LOXHD1: variants seen among roughly 807,000 people sequenced by gnomAD.
LOXHD1 encodes the protein lipoxygenase homology domain-containing protein 1.
A neutral mutation model predicts 248.2 loss-of-function variants in LOXHD1; 205 were observed. The observed-to-expected ratio is 0.83, with a 90% CI of 0.74 to 0.93. The LOEUF is 0.93. Ranked by LOEUF, LOXHD1 falls within the 40% of genes least tolerant of loss-of-function variation. The pLI, the probability that LOXHD1 is intolerant of heterozygous loss-of-function variation, is 0.00. For missense variants in LOXHD1, 2,930 were observed against 2,971.6 expected (o/e 0.99, Z 0.33); for synonymous variants, 1,113 against 1,162.8 (o/e 0.96, Z 0.87).
At chr18:46,552,782 T>G (rs1212994658) in intron 21 of LOXHD1, among the ~76,000 whole-genome samples, 2 of 152,336 alleles carry the variant, frequency 1.3e-5, no homozygotes, top group South Asian at 4.1e-4. Context: ...AGCATGGCTT[T>G]GGATGCCCTC....
At chr18:46,538,439 G>T in intron 25 of LOXHD1, 102 bp from the exon 26 acceptor site, 2 of 1,187,856 alleles carry the variant, frequency 1.7e-6, no homozygotes, top group Non-Finnish European at 2.4e-6. Context: ...CCAGACCCTT[G>T]CACTGGGGAA....
chr18:46,582,320 T>C (rs2037979223), intron 12 of LOXHD1, among the ~76,000 whole-genome samples: 3 of 152,144 alleles, frequency 2.0e-5, no homozygotes, highest in Admixed American at 6.5e-5. Context: ...AGTTTTTGTA[T>C]ACTACTGAAA....
At chr18:46,629,573 C>T (rs949192972) in intron 4 of LOXHD1, among the ~76,000 whole-genome samples, 16 of 152,196 alleles carry the variant, frequency 1.1e-4, no homozygotes, top group African/African-American at 3.9e-4. Context: ...GGGCACTACG[C>T]CCAACATGGT....
chr18:46,533,774 A>G (rs1191806629), intron 27 of LOXHD1: 1 of 288,714 alleles, frequency 3.5e-6, no homozygotes, highest in Non-Finnish European at 6.9e-6. Flanking sequence ...CAAAATATAA[A>G]AATTAGTCGG....
At chr18:46,481,409 G>C (rs1178599528) in intron 40 of LOXHD1, among the ~76,000 whole-genome samples, 1 of 152,092 alleles carries the variant, frequency 6.6e-6, no homozygotes, top group Non-Finnish European at 1.5e-5. Flanking sequence ...GAGACCACAG[G>C]CTTGAGAACT....
At chr18:46,620,264 A>G (rs1222989400) in intron 4 of LOXHD1, among the ~76,000 whole-genome samples, 1 of 151,528 alleles carries the variant, frequency 6.6e-6, no homozygotes, top group Non-Finnish European at 1.5e-5. Context: ...ACCCTTCCCA[A>G]CTCCAGTCCA....
intron 23 of LOXHD1, among the ~76,000 whole-genome samples, chr18:46,543,122 G>C (rs1011258998): frequency 6.6e-6 from 1 of 152,144 alleles, no homozygotes; most frequent in African/African-American, 2.4e-5. Flanking sequence ...CATCACCTGA[G>C]CTGTGTACTC....
chr18:46,550,587 A>AAAAAAAAAG, intron 21 of LOXHD1, among the ~76,000 whole-genome samples: 1 of 147,580 alleles, frequency 6.8e-6, no homozygotes, highest in African/African-American at 2.5e-5. Flanking sequence ...CTCAAAAAAA[A>AAAAAAAAAG]AAAAAAAAAA....
At chr18:46,580,756 G>A (rs1456633524) in intron 12 of LOXHD1, among the ~76,000 whole-genome samples, 1 of 152,210 alleles carries the variant, frequency 6.6e-6, no homozygotes, top group Non-Finnish European at 1.5e-5. Context: ...GGAGTGGAGT[G>A]AGGGAATATA....
chr18:46,507,548 G>A lies in LOXHD1; in HGVS notation c.5682C>T (p.Ser1894=), dbSNP rs567349358. The stretch of plus-strand genomic sequence containing the variant: ...GGACCCCCGACCCACCCAGGATGTC[G>A]CTGGTCTTAACTGCGACGGTGTAGG... ...WTSYTVAVKT[S]DILGAGTDAN... Residue 1894 remains serine, a synonymous_variant, in exon 36 of 41, where the codon AGC becomes AGT. Coordinates refer to ENST00000642948, the MANE Select transcript of LOXHD1 (RefSeq NM_001384474.1). 3.0e-5 allele frequency: 46 copies of A among 1,551,672 alleles called. No homozygotes were observed. The highest frequency in any genetic ancestry group is 4.1e-5 in the African/African-American group (3 of 73,184).
At chr18:46,561,521 T>C (rs1306256390) in intron 18 of LOXHD1, among the ~76,000 whole-genome samples, 1 of 152,214 alleles carries the variant, frequency 6.6e-6, no homozygotes, top group Non-Finnish European at 1.5e-5. Context: ...TTCCTGATGC[T>C]GATGAGCCCC....
chr18:46,497,673 T>A (rs1344137599), intron 37 of LOXHD1, among the ~76,000 whole-genome samples: 4 of 152,092 alleles, frequency 2.6e-5, no homozygotes, highest in Admixed American at 6.5e-5. Flanking sequence ...ATATATTAAG[T>A]CCTTATTATA....
intron 1 of LOXHD1, among the ~76,000 whole-genome samples, chr18:46,655,160 G>A (rs1023951630): frequency 6.6e-6 from 1 of 152,178 alleles, no homozygotes; most frequent in African/African-American, 2.4e-5. Flanking sequence ...GATGAAATGG[G>A]GCGCTTGCCT....
intron 20 of LOXHD1, 25 bp from the exon 21 acceptor site, chr18:46,557,514 G>A: frequency 6.4e-7 from 1 of 1,551,694 alleles, no homozygotes; most frequent in Non-Finnish European, 8.7e-7. Flanking sequence ...GGAACACTCA[G>A]TGGGGTAAGA....
At position 46,546,937 on chromosome 18, in the gene LOXHD1, C is replaced by T. The variant is rs1054290922; in HGVS notation, c.3472G>A (p.Gly1158Ser). 2.8e-5 allele frequency: 43 copies of T among 1,551,380 alleles called. No homozygotes were observed. Among genetic ancestry groups the T allele is most frequent in the Non-Finnish European group, 3.2e-5 (37 of 1,146,824 alleles). ...LPQSEEGRGG[G>S]DNNPLDNLAL... ...AGGTTGTCGAGGGGGTTGTTGTCAC[C>T]GCCTCCCCTACCCTCCTCGCTCTGT... The change falls in exon 22 of 41, where the codon GGT becomes AGT. Residue 1158 changes from glycine to serine, a missense_variant. By Grantham distance (56) the Gly-to-Ser change is moderately conservative. Transcript: ENST00000642948.
chr18:46,588,428 A>C (rs2038102600), intron 12 of LOXHD1, among the ~76,000 whole-genome samples: 1 of 152,190 alleles, frequency 6.6e-6, no homozygotes. Flanking sequence ...AGAAGACAAC[A>C]AAAAAACACC....
intron 20 of LOXHD1, chr18:46,557,909 G>T (rs1006307492): frequency 4.6e-6 from 5 of 1,078,842 alleles, no homozygotes; most frequent in Middle Eastern, 8.7e-4. Flanking sequence ...TACCTGCTAT[G>T]AGCTGGTGCT....
intron 27 of LOXHD1, among the ~76,000 whole-genome samples, chr18:46,534,034 A>G (rs904524409): frequency 3.9e-5 from 6 of 152,160 alleles, no homozygotes; most frequent in Non-Finnish European, 5.9e-5. Flanking sequence ...TGGATTTTCT[A>G]TGTGAGTTGA....
intron 20 of LOXHD1, chr18:46,558,931 C>T (rs538314): frequency 0.014 from 5,389 of 384,116 alleles, 252 homozygotes; most frequent in African/African-American, 0.1. Context: ...TCCACTGGGG[C>T]TTAGCACCGA....
Sources: gnomAD v4.1 joint callset for allele counts (sites outside exome capture counted in the v4.1 genomes callset) on GRCh38, gnomAD v4.1.1 for gene constraint, MANE v1.5 for transcripts, NCBI Gene and HGNC (gene_info 2026-07-23, HGNC 2026-07-21) for gene names.